Variants in STXBP5 observed in about 807,000 individuals in gnomAD.
STXBP5 encodes syntaxin binding protein 5.
Under a neutral mutation model 152.4 loss-of-function variants are expected in STXBP5, and 50 were observed. That is an observed-to-expected ratio of 0.33 (90% confidence interval 0.26 to 0.42). The LOEUF is 0.42. STXBP5 is among the 10% of genes least tolerant of loss of function. STXBP5 has a pLI of 1.00. For synonymous variants in STXBP5, 492 were observed against 494.7 expected (o/e 0.99, Z 0.07); for missense variants, 1,167 against 1,388.6 (o/e 0.84, Z 2.54).
At chr6:147,291,271 G>A in intron 9 of STXBP5, 99 bp downstream of exon 9, 4 of 758,884 alleles carry the variant, frequency 5.3e-6, no homozygotes, top group South Asian at 6.7e-5. Flanking sequence ...TTTTAGAATA[G>A]TCTACACCAT....
At chr6:147,288,196 TA>T (rs1781090396) in intron 8 of STXBP5, among the ~76,000 whole-genome samples, 1 of 152,092 alleles carries the variant, frequency 6.6e-6, no homozygotes, top group Non-Finnish European at 1.5e-5. Context: ...GCCCTGGGGG[TA>T]GGGATTTTTG....
chr6:147,215,235 T>A (rs182060904), intron 2 of STXBP5, among the ~76,000 whole-genome samples: 103 of 152,370 alleles, frequency 6.8e-4, no homozygotes, highest in African/African-American at 2.3e-3. Flanking sequence ...TTTATCAGCC[T>A]GACTTGTTTT....
intron 7 of STXBP5, among the ~76,000 whole-genome samples, chr6:147,270,433 T>G (rs1780108898): frequency 1.3e-5 from 2 of 151,788 alleles, no homozygotes; most frequent in African/African-American, 4.8e-5. Flanking sequence ...CAAATTTTGT[T>G]TTCTTAGATG....
intron 4 of STXBP5, among the ~76,000 whole-genome samples, chr6:147,250,003 C>T (rs1359793145): frequency 6.6e-6 from 1 of 152,172 alleles, no homozygotes; most frequent in Non-Finnish European, 1.5e-5. Context: ...AAACCCAATA[C>T]AATTTATTTA....
At chr6:147,289,054 A>G (rs1449530654) in intron 8 of STXBP5, among the ~76,000 whole-genome samples, 1 of 152,090 alleles carries the variant, frequency 6.6e-6, no homozygotes, top group Non-Finnish European at 1.5e-5. Context: ...TTTGTTACTT[A>G]CTGCCCATGC....
At chr6:147,366,235 G>A (rs894358141) in intron 25 of STXBP5, among the ~76,000 whole-genome samples, 4 of 152,196 alleles carry the variant, frequency 2.6e-5, no homozygotes, top group Non-Finnish European at 4.4e-5. Context: ...GCACGTACAC[G>A]TGACTAAGCT....
At chr6:147,219,195 A>T (rs563663819) in intron 2 of STXBP5, among the ~76,000 whole-genome samples, 1 of 152,166 alleles carries the variant, frequency 6.6e-6, no homozygotes, top group South Asian at 2.1e-4. Flanking sequence ...TAATCATGTG[A>T]TTTTTCTTTT....
At chr6:147,331,163 T>G (rs538800907) in intron 18 of STXBP5, among the ~76,000 whole-genome samples, 377 of 152,330 alleles carry the variant, frequency 2.5e-3, no homozygotes, top group African/African-American at 8.5e-3. Flanking sequence ...AAATAGTAAA[T>G]GTAGCTTCCT....
At chr6:147,320,029 A>G (rs1050085333) in intron 16 of STXBP5, among the ~76,000 whole-genome samples, 3 of 151,214 alleles carry the variant, frequency 2.0e-5, no homozygotes, top group Non-Finnish European at 4.4e-5. Flanking sequence ...TTTTATAGAG[A>G]TGGGTTTTCG....
intron 16 of STXBP5, among the ~76,000 whole-genome samples, chr6:147,322,151 C>T (rs1022703410): frequency 3.9e-5 from 6 of 152,132 alleles, no homozygotes; most frequent in African/African-American, 1.4e-4. Flanking sequence ...AGGACACTTC[C>T]TTGACCCTAA....
At chr6:147,326,057 A>G (rs1783238246) in intron 17 of STXBP5, among the ~76,000 whole-genome samples, 1 of 152,176 alleles carries the variant, frequency 6.6e-6, no homozygotes, top group Non-Finnish European at 1.5e-5. Flanking sequence ...GGACTTGAAC[A>G]TCCGCAGATT....
intron 9 of STXBP5, among the ~76,000 whole-genome samples, chr6:147,298,586 G>C (rs1203396543): frequency 1.3e-5 from 2 of 152,058 alleles, no homozygotes; most frequent in Non-Finnish European, 2.9e-5. Flanking sequence ...GTTAGGTCAA[G>C]AGCAAGTATT....
At chr6:147,289,886 G>C (rs1781191763) in intron 8 of STXBP5, among the ~76,000 whole-genome samples, 1 of 152,140 alleles carries the variant, frequency 6.6e-6, no homozygotes, top group Admixed American at 6.5e-5. Context: ...TACCACAACA[G>C]AAAACAAATA....
At position 147,364,009 on chromosome 6, in the gene STXBP5, G is replaced by A. The variant is rs775522883; in HGVS notation, c.2924G>A (p.Ser975Asn). ...TTAATTTTTTTCTCAAGTTTGCCAA[G>A]TTTAAGACCTCTGTTGGATGTGTAT... Reference protein sequence around the residue: ...NGHIMTFSLPSLRPLLDVYYL... With the variant: ...NGHIMTFSLPNLRPLLDVYYL... Residue 975 changes from serine to asparagine, a missense_variant, in exon 25 of 28, where the codon AGT (serine) becomes AAT (asparagine). Around this residue, in one of 3 missense-constraint regions of STXBP5, gnomAD observed 833 missense variants for 986.3 expected, o/e 0.84. Coordinates refer to ENST00000321680, the MANE Select transcript of STXBP5 (RefSeq NM_001127715.4). 1 of 1,612,826 alleles carries A rather than the reference G, an allele frequency of 6.2e-7. No individual in the cohort carries two copies. Among genetic ancestry groups the A allele is most frequent in the Admixed American group, 1.7e-5 (1 of 59,860 alleles).
intron 6 of STXBP5, among the ~76,000 whole-genome samples, chr6:147,263,472 A>AC (rs1210408702): frequency 5.3e-5 from 8 of 151,298 alleles, no homozygotes; most frequent in Non-Finnish European, 1.0e-4. Flanking sequence ...GATTATAAGC[A>AC]CAAGCCACTG....
chr6:147,249,894 T>C (rs993759149), intron 4 of STXBP5, among the ~76,000 whole-genome samples: 4 of 152,204 alleles, frequency 2.6e-5, no homozygotes, highest in African/African-American at 9.6e-5. Flanking sequence ...CTAGAAAGTT[T>C]TTAAAAGTAT....
chr6:147,386,922 C>T lies in STXBP5; in HGVS notation c.*2167C>T, dbSNP rs1259187115. 1 of 151,576 alleles carries T rather than the reference C, an allele frequency of 6.6e-6. No homozygotes were observed. The highest frequency in any genetic ancestry group is 1.9e-4 in the East Asian group (1 of 5,168). The allele number at this position is 151,576 out of a possible 1,614,324, so 9.4% of individuals were successfully genotyped here. ...TAACACAAATATATTTGTATATTAA[C>T]TTCATTTTTACTGTCATTTTTCCTG... is the stretch of plus-strand genomic sequence containing the variant. On this transcript the variant is annotated 3_prime_UTR_variant, in exon 28 of 28. Transcript: ENST00000321680.
intron 26 of STXBP5, among the ~76,000 whole-genome samples, chr6:147,375,441 T>C (rs1284819355): frequency 1.3e-5 from 2 of 151,648 alleles, no homozygotes; most frequent in African/African-American, 2.4e-5. Context: ...TAGACAAAAG[T>C]GAAGAAAGAA....
chr6:147,239,153 T>G lies in STXBP5; in HGVS notation c.331-17T>G. The G allele has an allele frequency of 6.2e-7, 1 of 1,603,454 alleles. No homozygotes were observed. The highest frequency in any genetic ancestry group is 8.5e-7 in the Non-Finnish European group (1 of 1,172,390). On this transcript the variant is annotated splice_polypyrimidine_tract_variant and intron_variant, in intron 3 of 27. Coordinates refer to ENST00000321680, the MANE Select transcript of STXBP5 (RefSeq NM_001127715.4). Reference sequence around the variant, plus strand: ...AAAATATATTATACATGAAATGTGTTATACTTGATTTTTAAGGGAGCGCTT... The same window carrying G: ...AAAATATATTATACATGAAATGTGTGATACTTGATTTTTAAGGGAGCGCTT...
Sources: allele counts gnomAD v4.1 joint callset (sites outside exome capture counted in the v4.1 genomes callset), GRCh38; gene constraint gnomAD v4.1.1; regional missense constraint gnomAD v4.1.1; transcripts MANE v1.5; gene names NCBI Gene and HGNC (gene_info 2026-07-23, HGNC 2026-07-21).